Variants in IL1RAPL2 observed in about 807,000 individuals in gnomAD.
IL1RAPL2 encodes interleukin 1 receptor accessory protein like 2, also known as X-linked interleukin-1 receptor accessory protein-like 2.
Under a neutral mutation model 44.1 loss-of-function variants are expected in IL1RAPL2, and 3 were observed. The observed-to-expected ratio is 0.07, with a 90% CI of 0.03 to 0.18. The LOEUF is 0.18. IL1RAPL2 is among the 10% of genes least tolerant of loss of function. IL1RAPL2 has a pLI of 1.00. For missense variants in IL1RAPL2, 391 were observed against 496.4 expected (o/e 0.79, Z 2.02); for synonymous variants, 181 against 178.8 (o/e 1.01, Z -0.10).
chrX:104,577,688 G>A (rs1246754396), intron 1 of IL1RAPL2, among the ~76,000 whole-genome samples: 1 of 111,093 alleles, frequency 9.0e-6, no homozygotes, highest in South Asian at 3.9e-4. Flanking sequence ...GGGTCTGTAT[G>A]AGGAGGACAC....
chrX:105,304,545 G>T (rs2034720386), intron 5 of IL1RAPL2, among the ~76,000 whole-genome samples: 1 of 112,103 alleles, frequency 8.9e-6, no homozygotes, highest in Non-Finnish European at 1.9e-5. Flanking sequence ...ATACAAATCA[G>T]TTCCTAAACA....
At chrX:105,590,813 T>TTG (rs199802193) in intron 6 of IL1RAPL2, among the ~76,000 whole-genome samples, 2,861 of 97,085 alleles carry the variant, frequency 0.029, 39 homozygotes, top group East Asian at 0.11. Flanking sequence ...TGGCCTGAAT[T>TTG]TGTGTGTGTG....
chrX:104,811,291 T>A (rs1380296574), intron 2 of IL1RAPL2, among the ~76,000 whole-genome samples: 1 of 111,356 alleles, frequency 9.0e-6, no homozygotes, highest in Non-Finnish European at 1.9e-5. Context: ...AGTTCAAGAA[T>A]AAAGACAGTG....
intron 2 of IL1RAPL2, among the ~76,000 whole-genome samples, chrX:105,055,753 C>T (rs769082703): frequency 1.8e-5 from 2 of 109,289 alleles, no homozygotes; most frequent in Admixed American, 9.9e-5. Flanking sequence ...GTTACAACTC[C>T]GAAACCACTG....
rs771031271 is a variant in IL1RAPL2, at chrX:104,970,224, T to G, written c.83-225251T>G. Among the ~76,000 whole-genome samples the G allele has an allele frequency of 9.8e-5, 11 of 111,836 alleles. No homozygotes were observed. The East Asian group carries it at 3.1e-3, about 32-fold the overall frequency. On this transcript the variant is annotated intron_variant, in intron 2 of 10. Coordinates refer to ENST00000372582, the MANE Select transcript of IL1RAPL2 (RefSeq NM_017416.2). ...AATAAATTATAGTGTAGTCATAAAA[T>G]GAAACACTAAATAGTGAAAATAAAT... is the stretch of plus-strand genomic sequence containing the variant.
chrX:105,267,726 G>T (rs2034414485), intron 5 of IL1RAPL2, among the ~76,000 whole-genome samples, 185 bp downstream of exon 5: 1 of 111,731 alleles, frequency 9.0e-6, no homozygotes, highest in Non-Finnish European at 1.9e-5. Flanking sequence ...TATGAAAAAA[G>T]AGTTTAGAGA....
intron 5 of IL1RAPL2, among the ~76,000 whole-genome samples, chrX:105,427,569 G>A (rs1421960389): frequency 8.9e-6 from 1 of 112,267 alleles, no homozygotes; most frequent in Non-Finnish European, 1.9e-5. Context: ...CTGATTTGCA[G>A]CTCCTAGCAC....
At chrX:105,072,595 A>C (rs1167635930) in intron 2 of IL1RAPL2, among the ~76,000 whole-genome samples, 1 of 111,198 alleles carries the variant, frequency 9.0e-6, no homozygotes, top group East Asian at 2.8e-4. Context: ...GACGGAAATG[A>C]GGAACTTATT....
intron 5 of IL1RAPL2, among the ~76,000 whole-genome samples, chrX:105,325,497 A>G (rs778915840): frequency 2.9e-5 from 3 of 103,787 alleles, no homozygotes; most frequent in Non-Finnish European, 5.8e-5. Flanking sequence ...ACATTCGTGT[A>G]TAAGTTCTTG....
chrX:104,814,900 A>T (rs1268134954), intron 2 of IL1RAPL2, among the ~76,000 whole-genome samples: 1 of 112,110 alleles, frequency 8.9e-6, no homozygotes, highest in East Asian at 2.8e-4. Context: ...AGGGGAGGAC[A>T]GCAATATAGG....
intron 7 of IL1RAPL2, among the ~76,000 whole-genome samples, chrX:105,734,443 G>C (rs2038430850): frequency 9.0e-6 from 1 of 111,608 alleles, no homozygotes; most frequent in African/African-American, 3.3e-5. Context: ...CTGTCACCCA[G>C]GCTGGTATAC....
At chrX:105,007,677 G>GC (rs1045406842) in intron 2 of IL1RAPL2, among the ~76,000 whole-genome samples, 3 of 111,627 alleles carry the variant, frequency 2.7e-5, no homozygotes, top group African/African-American at 9.7e-5. Flanking sequence ...ACACACTAGA[G>GC]CTCTGCGCCT....
At chrX:104,833,479 G>A (rs1921663705) in intron 2 of IL1RAPL2, among the ~76,000 whole-genome samples, 1 of 112,017 alleles carries the variant, frequency 8.9e-6, no homozygotes, top group South Asian at 3.7e-4. Context: ...TTTGTCTCGT[G>A]TAAAGTCATT....
At chrX:105,668,873 G>A (rs1429049589) in intron 6 of IL1RAPL2, among the ~76,000 whole-genome samples, 1 of 111,428 alleles carries the variant, frequency 9.0e-6, no homozygotes, top group African/African-American at 3.3e-5. Context: ...TCTTCTGAAG[G>A]TTGGGCAGGA....
At chrX:105,176,890 C>G (rs1191662885) in intron 2 of IL1RAPL2, among the ~76,000 whole-genome samples, 1 of 111,409 alleles carries the variant, frequency 9.0e-6, no homozygotes, top group East Asian at 2.9e-4. Context: ...CCCACTGATC[C>G]CTTTGTCCAA....
At chrX:104,836,613 A>G (rs758305462) in intron 2 of IL1RAPL2, among the ~76,000 whole-genome samples, 1 of 111,392 alleles carries the variant, frequency 9.0e-6, no homozygotes, top group Admixed American at 9.6e-5. Flanking sequence ...ATGTTTAAAC[A>G]GAAATAATGT....
intron 2 of IL1RAPL2, among the ~76,000 whole-genome samples, chrX:104,882,164 A>G (rs914076196): frequency 2.1e-4 from 24 of 112,044 alleles, no homozygotes; most frequent in African/African-American, 7.8e-4. Flanking sequence ...ATGTGCAGAT[A>G]TGATATACAA....
intron 2 of IL1RAPL2, among the ~76,000 whole-genome samples, chrX:105,084,026 G>A (rs770329893): frequency 2.0e-4 from 23 of 112,431 alleles, no homozygotes; most frequent in South Asian, 7.3e-4. Context: ...TTGGGCCTGC[G>A]GGAGCACAGA....
intron 3 of IL1RAPL2, among the ~76,000 whole-genome samples, chrX:105,206,210 C>T (rs2033762768): frequency 9.0e-6 from 1 of 111,589 alleles, no homozygotes; most frequent in Admixed American, 9.5e-5. Flanking sequence ...GTAAGCACTC[C>T]ATACATTATC....
Sources: allele counts gnomAD v4.1 joint callset (sites outside exome capture counted in the v4.1 genomes callset), GRCh38; gene constraint gnomAD v4.1.1; transcripts MANE v1.5; gene names NCBI Gene and HGNC (gene_info 2026-07-23, HGNC 2026-07-21).